DNASE1: variants seen among roughly 807,000 people sequenced by gnomAD.
DNASE1 encodes deoxyribonuclease 1, also known as deoxyribonuclease-1.
DNASE1 carries 40 observed loss-of-function variants against 33.9 expected under a neutral mutation model. The ratio of observed to expected loss-of-function variants is 1.18; its 90% CI spans 0.92 to 1.54. The LOEUF (loss-of-function observed/expected upper bound fraction) is 1.54, where lower values mean the gene tolerates loss of function less well. Ranked by LOEUF, DNASE1 falls within the 40% of genes most tolerant of loss-of-function variation. The pLI is 0.00. For synonymous variants in DNASE1, 216 were observed against 160.0 expected, an observed-to-expected ratio of 1.35 and a Z score of -2.64; for missense variants, 518 against 372.6, an observed-to-expected ratio of 1.39 and a Z score of -3.21.
chr16:3,663,491 C>A, exon 10 of DNASE1: 1 of 1,614,210 alleles, frequency 6.2e-7, no homozygotes. Context: ...CCACAGAGAT[C>A]AGCTTCTTCT....
chr16:3,663,633 C>T (rs534550079), exon 10 of DNASE1: 112 of 1,591,328 alleles, frequency 7.0e-5, no homozygotes, highest in Middle Eastern at 3.8e-4. Context: ...AGGATGAGGG[C>T]GGCAGGAGGG....
At position 3,657,597 on chromosome 16, in the gene DNASE1, C is replaced by T. The variant is rs1596660225; in HGVS notation, c.705-123C>T. 3 of 1,368,612 alleles carry T rather than the reference C, an allele frequency of 2.2e-6. 1 individual carries two copies. The East Asian group carries it at 7.4e-5, about 34-fold the overall frequency. The allele number at this position is 1,368,612 out of a possible 1,614,324, so 84.8% of individuals were successfully genotyped here. On this transcript the variant is annotated intron_variant, in intron 7 of 8. Coordinates refer to ENST00000246949, the MANE Select transcript of DNASE1 (RefSeq NM_005223.4). ...ATTGAGGGGCACAGACCAGGGTGTG[C>T]AGTTTTGGGCACCCACAGACCTGCA...
downstream of DNASE1, chr16:3,662,350 C>G (rs1036638068): frequency 6.4e-6 from 4 of 626,528 alleles, no homozygotes; most frequent in Admixed American, 3.0e-5. Context: ...GCTCCACCAC[C>G]CTGGTGCCCC....
At chr16:3,628,860 TG>T (rs1397012063) in intron 1 of DNASE1, among the ~76,000 whole-genome samples, 1 of 109,866 alleles carries the variant, frequency 9.1e-6, no homozygotes, top group Admixed American at 8.0e-5. Flanking sequence ...TGCCTGGCTC[TG>T]TTTTTTTTTT....
chr16:3,656,708 T>A lies in DNASE1; in HGVS notation c.391T>A (p.Phe131Ile). The change falls in exon 5 of 9, where the codon TTC becomes ATC. Residue 131 changes from phenylalanine (F) to isoleucine (I), a missense_variant. Phe to Ile is a conservative substitution (Grantham distance 21). Coordinates refer to ENST00000246949, the MANE Select transcript of DNASE1 (RefSeq NM_005223.4). ...DGCEPCGNDT[F>I]NREPAIVRFF... The stretch of plus-strand genomic sequence containing the variant: ...CTGCGAGCCCTGCGGGAACGACACC[T>A]TCAACCGAGAGCCAGCCATTGTCAG... The A allele has an allele frequency of 6.2e-7, 1 of 1,612,986 alleles. No homozygotes were observed. Among genetic ancestry groups the A allele is most frequent in the Non-Finnish European group, 8.5e-7 (1 of 1,179,540 alleles).
downstream of DNASE1, chr16:3,661,437 C>T: frequency 6.6e-6 from 1 of 152,164 alleles, no homozygotes; most frequent in Non-Finnish European, 1.5e-5. Context: ...ACAGAGAAAC[C>T]CACACAAGCC....
chr16:3,627,936 G>GC (rs1810547516), intron 1 of DNASE1, among the ~76,000 whole-genome samples: 1 of 42,744 alleles, frequency 2.3e-5, no homozygotes, highest in African/African-American at 8.5e-5. Flanking sequence ...TTCTATTTCT[G>GC]CAAAAAAAAA....
chr16:3,664,248 G>A, exon 10 of DNASE1: 1 of 1,533,240 alleles, frequency 6.5e-7, no homozygotes, highest in Non-Finnish European at 8.8e-7. Flanking sequence ...AGCCCCCGGA[G>A]CCCGCCCCAC....
intron 1 of DNASE1, among the ~76,000 whole-genome samples, chr16:3,618,669 T>A (rs1187529452): frequency 6.6e-6 from 1 of 152,126 alleles, no homozygotes; most frequent in Non-Finnish European, 1.5e-5. Context: ...GCAGAGTTTA[T>A]GGTGAGCTGA....
intron 1 of DNASE1, among the ~76,000 whole-genome samples, chr16:3,646,629 A>G (rs2042179730): frequency 6.6e-6 from 1 of 152,160 alleles, no homozygotes; most frequent in South Asian, 2.1e-4. Flanking sequence ...CATGGAAAGC[A>G]TTGGATTTCG....
At chr16:3,644,864 C>T (rs932209304) in intron 1 of DNASE1, among the ~76,000 whole-genome samples, 3 of 152,032 alleles carry the variant, frequency 2.0e-5, no homozygotes, top group African/African-American at 7.2e-5. Context: ...CATGGTGGCT[C>T]ACGCCTGTAA....
intron 1 of DNASE1, among the ~76,000 whole-genome samples, chr16:3,623,203 A>G (rs574260111): frequency 6.6e-5 from 10 of 152,254 alleles, no homozygotes; most frequent in African/African-American, 1.9e-4. Context: ...CCTGCAACCA[A>G]CTGATCTTCA....
chr16:3,654,283 G>A, upstream of DNASE1: 1 of 398,116 alleles, frequency 2.5e-6, no homozygotes, highest in Non-Finnish European at 4.4e-6. Context: ...CAATTGGGGT[G>A]GGCTTTGCAG....
In DNASE1 at chr16:3,630,388, G is replaced by C. The variant is rs1263330104; in HGVS notation, c.-1358-10327G>C. On this transcript the variant is annotated intron_variant and NMD_transcript_variant, in intron 1 of 11. Transcript: ENST00000570769. The stretch of plus-strand genomic sequence containing the variant: ...TGTAGAGACAGGTTTTCTCCATGTT[G>C]CCCAGGTTGGCCTTGAACTCCAAAG... 2.0e-5 allele frequency among the ~76,000 whole-genome samples: 3 copies of C among 151,998 alleles called. No individual in the cohort carries two copies. The East Asian group carries it at 5.8e-4, about 29-fold the overall frequency.
At chr16:3,615,885 C>G (rs547420493) in intron 1 of DNASE1, among the ~76,000 whole-genome samples, 18 of 152,138 alleles carry the variant, frequency 1.2e-4, no homozygotes, top group Non-Finnish European at 2.2e-4. Context: ...GGCCCTTATC[C>G]CAGGTCTGTG....
At chr16:3,662,057 T>C (rs1214579027), downstream of DNASE1, 1 of 1,613,436 alleles carries the variant, frequency 6.2e-7, no homozygotes, top group Non-Finnish European at 8.5e-7. Context: ...AGCTGCTGCA[T>C]GCGCAGGAAG....
upstream of DNASE1, among the ~76,000 whole-genome samples, chr16:3,642,398 G>T (rs1239486953): frequency 6.6e-6 from 1 of 152,216 alleles, no homozygotes; most frequent in Non-Finnish European, 1.5e-5. Flanking sequence ...ACAGAAGCCT[G>T]TCCCCTCCCT....
At chr16:3,646,835 G>A (rs1457387529) in intron 1 of DNASE1, among the ~76,000 whole-genome samples, 2 of 152,146 alleles carry the variant, frequency 1.3e-5, no homozygotes, top group African/African-American at 4.8e-5. Flanking sequence ...GGCTCAGGGT[G>A]CATGGTGCGG....
chr16:3,653,877 C>T (rs930731145), upstream of DNASE1: 11 of 142,964 alleles, frequency 7.7e-5, no homozygotes, highest in Middle Eastern at 3.9e-3. Context: ...GTCCTGGCTA[C>T]GCCGGAGGAT....
Sources: gnomAD v4.1 joint callset for allele counts (sites outside exome capture counted in the v4.1 genomes callset) on GRCh38, gnomAD v4.1.1 for gene constraint, MANE v1.5 for transcripts, NCBI Gene and HGNC (gene_info 2026-07-23, HGNC 2026-07-21) for gene names.